Variants in RFC3 observed in about 807,000 individuals in gnomAD.
The protein encoded by RFC3 is A1 38 kDa subunit.
A neutral mutation model predicts 45.1 loss-of-function variants in RFC3; 41 were observed. The ratio of observed to expected loss-of-function variants is 0.91; its 90% confidence interval spans 0.71 to 1.18. RFC3 has a LOEUF of 1.18. Ranked by LOEUF, RFC3 falls within the 50% of genes most tolerant of loss-of-function variation. RFC3 has a pLI of 0.00. For synonymous variants in RFC3, 149 were observed against 144.0 expected, an observed-to-expected ratio of 1.03 and a Z score of -0.25; for missense variants, 423 against 428.1, an observed-to-expected ratio of 0.99 and a Z score of 0.10.
chr13:33,971,018 A>T (rs1199971219), downstream of RFC3, among the ~76,000 whole-genome samples: 1 of 152,196 alleles, frequency 6.6e-6, no homozygotes, highest in African/African-American at 2.4e-5. Flanking sequence ...GCTTTCTGTA[A>T]CCTACTAAGA....
intron 8 of RFC3, among the ~76,000 whole-genome samples, chr13:33,953,085 G>A (rs2083000362): frequency 6.6e-6 from 1 of 152,086 alleles, no homozygotes; most frequent in African/African-American, 2.4e-5. Context: ...AAAAAGTTTA[G>A]AAGAAATTAA....
the RFC3 span, among the ~76,000 whole-genome samples, chr13:33,972,384 G>A: frequency 6.6e-6 from 1 of 152,128 alleles, no homozygotes; most frequent in Admixed American, 6.5e-5. Context: ...ACTGTCTTCA[G>A]TGTGTGTTCA....
chr13:33,865,241 G>GA (rs543234288), intron 8 of RFC3, among the ~76,000 whole-genome samples: 3 of 151,928 alleles, frequency 2.0e-5, no homozygotes, highest in East Asian at 1.9e-4. Context: ...TAAAAAATAT[G>GA]AAAAAAAATA....
intron 8 of RFC3, among the ~76,000 whole-genome samples, chr13:33,881,636 A>C (rs185546391): frequency 4.7e-4 from 72 of 151,960 alleles, no homozygotes; most frequent in Non-Finnish European, 6.9e-4. Flanking sequence ...CATCATCAAG[A>C]GTCACTCCAT....
intron 8 of RFC3, among the ~76,000 whole-genome samples, chr13:33,936,974 A>G (rs2082890437): frequency 6.6e-6 from 1 of 152,184 alleles, no homozygotes; most frequent in South Asian, 2.1e-4. Context: ...TGTTCTCACC[A>G]CAAAAAATCA....
At chr13:33,866,606 G>A (rs1224380756) in intron 8 of RFC3, among the ~76,000 whole-genome samples, 13 of 152,190 alleles carry the variant, frequency 8.5e-5, no homozygotes. Flanking sequence ...AGCCCCTTGA[G>A]TAAAGGCAGG....
chr13:33,902,866 G>A (rs6562174), intron 8 of RFC3, among the ~76,000 whole-genome samples: 4,516 of 151,534 alleles, frequency 0.03, 210 homozygotes, highest in African/African-American at 0.1. Context: ...TGGAAGAAAA[G>A]AATTGTCTTG....
intron 8 of RFC3, among the ~76,000 whole-genome samples, chr13:33,870,581 G>A (rs2082400782): frequency 6.6e-6 from 1 of 152,202 alleles, no homozygotes; most frequent in Non-Finnish European, 1.5e-5. Flanking sequence ...CTCACCACCT[G>A]GGGTGAAGGC....
chr13:33,958,194 A>G lies in RFC3; in HGVS notation c.880-7893A>G, dbSNP rs374617619. ...TAGGTCTCAGATTAAATGCCAGAGC[A>G]TGAAGAAGTTTCTGCTGGAAGAGGG... On this transcript the variant is annotated intron_variant, in intron 8 of 8. Transcript: ENST00000434425. Among the ~76,000 whole-genome samples the G allele has an allele frequency of 7.2e-5, 11 of 152,350 alleles. No individual in the cohort carries two copies. The East Asian group carries it at 2.1e-3, about 29-fold the overall frequency.
chr13:33,902,898 A>T (rs1424512725), intron 8 of RFC3, among the ~76,000 whole-genome samples: 1 of 149,050 alleles, frequency 6.7e-6, no homozygotes, highest in African/African-American at 2.6e-5. Context: ...AAATACCCTA[A>T]CGATAGCTGA....
downstream of RFC3, among the ~76,000 whole-genome samples, chr13:33,841,407 T>C (rs2082197526): frequency 6.6e-6 from 1 of 152,254 alleles, no homozygotes; most frequent in Admixed American, 6.5e-5. Flanking sequence ...TAAAATGCCA[T>C]GTGGTACCTT....
At chr13:33,845,345 C>A (rs1373897883) in intron 8 of RFC3, among the ~76,000 whole-genome samples, 1 of 150,694 alleles carries the variant, frequency 6.6e-6, no homozygotes, top group East Asian at 1.9e-4. Flanking sequence ...CTGTTACTAT[C>A]CATTTGAATA....
intron 7 of RFC3, among the ~76,000 whole-genome samples, chr13:33,833,217 T>A (rs750908533): frequency 6.6e-6 from 1 of 152,212 alleles, no homozygotes; most frequent in Non-Finnish European, 1.5e-5. Context: ...GGAATATTTG[T>A]GGTCTCGATT....
chr13:33,851,848 T>G (rs1470675806), intron 8 of RFC3, among the ~76,000 whole-genome samples: 1 of 152,212 alleles, frequency 6.6e-6, no homozygotes, highest in African/African-American at 2.4e-5. Context: ...TACAATCTTG[T>G]GGGAAAAGAA....
At chr13:33,925,100 T>C (rs2082796296) in intron 8 of RFC3, among the ~76,000 whole-genome samples, 1 of 148,452 alleles carries the variant, frequency 6.7e-6, no homozygotes, top group African/African-American at 2.5e-5. Flanking sequence ...TAGTGTACTA[T>C]ATACACGCAT....
At chr13:33,867,416 T>G (rs2082380623) in intron 8 of RFC3, among the ~76,000 whole-genome samples, 1 of 152,218 alleles carries the variant, frequency 6.6e-6, no homozygotes, top group African/African-American at 2.4e-5. Context: ...GAGAAATGCT[T>G]CTTCCAGTGG....
intron 8 of RFC3, among the ~76,000 whole-genome samples, chr13:33,890,128 C>T (rs998423296): frequency 2.0e-5 from 3 of 152,060 alleles, no homozygotes; most frequent in East Asian, 1.9e-4. Context: ...TTAAAGTCTC[C>T]GAGGGTGTTG....
chr13:33,874,010 A>G (rs1219333203), intron 8 of RFC3, among the ~76,000 whole-genome samples: 1 of 152,096 alleles, frequency 6.6e-6, no homozygotes, highest in Non-Finnish European at 1.5e-5. Flanking sequence ...TCAAATTCTA[A>G]TCTCTCTATA....
intron 8 of RFC3, among the ~76,000 whole-genome samples, chr13:33,874,195 A>G (rs552573970): frequency 2.0e-5 from 3 of 152,226 alleles, no homozygotes; most frequent in African/African-American, 4.8e-5. Flanking sequence ...CCATCATTCT[A>G]TTCTACCACA....
Sources: allele counts gnomAD v4.1 joint callset (sites outside exome capture counted in the v4.1 genomes callset), GRCh38; gene constraint gnomAD v4.1.1; transcripts MANE v1.5; gene names NCBI Gene and HGNC (gene_info 2026-07-23, HGNC 2026-07-21).